LRP1B: variants seen among roughly 807,000 people sequenced by gnomAD.
The protein encoded by LRP1B is low-density lipoprotein receptor-related protein 1B.
LRP1B carries 217 observed loss-of-function variants against 556.6 expected under a neutral mutation model. The observed-to-expected ratio is 0.39, with a 90% CI of 0.35 to 0.44. The LOEUF (loss-of-function observed/expected upper bound fraction) is 0.44, where lower values mean the gene tolerates loss of function less well. Among genes scored for constraint, LRP1B ranks in the 20% least tolerant of loss-of-function variants. The pLI, the probability that LRP1B is intolerant of heterozygous loss-of-function variation, is 1.00. For synonymous variants in LRP1B, 2,047 were observed against 1,865.8 expected, an observed-to-expected ratio of 1.10 and a Z score of -2.50; for missense variants, 5,053 against 5,620.8, an observed-to-expected ratio of 0.90 and a Z score of 3.23.
intron 43 of LRP1B, among the ~76,000 whole-genome samples, chr2:140,545,264 TG>T (rs1680288261): frequency 1.3e-5 from 2 of 152,066 alleles, no homozygotes; most frequent in South Asian, 4.1e-4. Flanking sequence ...ATAGTTTCTA[TG>T]GCTGTGGAGA....
chr2:141,060,777 C>T (rs756194710), intron 8 of LRP1B, among the ~76,000 whole-genome samples: 7 of 151,750 alleles, frequency 4.6e-5, no homozygotes, highest in Middle Eastern at 3.4e-3. Flanking sequence ...TAATTACACC[C>T]TAGGCAGAGG....
intron 7 of LRP1B, among the ~76,000 whole-genome samples, chr2:141,118,476 T>C (rs1393450586): frequency 6.6e-6 from 1 of 151,982 alleles, no homozygotes; most frequent in Non-Finnish European, 1.5e-5. Context: ...CTGACTTTTT[T>C]GTAAACTAGT....
At chr2:141,146,733 C>T (rs184674793) in intron 7 of LRP1B, among the ~76,000 whole-genome samples, 15 of 152,284 alleles carry the variant, frequency 9.9e-5, no homozygotes, top group Admixed American at 2.6e-4. Flanking sequence ...ATGATATTAA[C>T]GCATAGAAGA....
intron 23 of LRP1B, among the ~76,000 whole-genome samples, chr2:140,897,105 A>G (rs1387868182): frequency 6.6e-6 from 1 of 152,224 alleles, no homozygotes; most frequent in Non-Finnish European, 1.5e-5. Context: ...CCACTTAAAA[A>G]TGTTTCATTG....
chr2:141,409,655 C>T (rs1376921914), intron 3 of LRP1B, among the ~76,000 whole-genome samples: 3 of 151,980 alleles, frequency 2.0e-5, no homozygotes, highest in African/African-American at 7.2e-5. Context: ...AATGTTCCTA[C>T]TGTTATGGAA....
intron 7 of LRP1B, among the ~76,000 whole-genome samples, chr2:141,093,415 G>A (rs77929077): frequency 0.062 from 9,367 of 152,142 alleles, 368 homozygotes; most frequent in South Asian, 0.12. Context: ...ATAGTATAGC[G>A]TAGAAGGAAT....
At chr2:141,148,460 G>A (rs1701839269) in intron 7 of LRP1B, among the ~76,000 whole-genome samples, 1 of 152,120 alleles carries the variant, frequency 6.6e-6, no homozygotes, top group Non-Finnish European at 1.5e-5. Context: ...CTTAGGAGAA[G>A]CCACGTGGAG....
chr2:141,930,590 A>G (rs1396858098), intron 1 of LRP1B, among the ~76,000 whole-genome samples: 1 of 152,070 alleles, frequency 6.6e-6, no homozygotes, highest in Non-Finnish European at 1.5e-5. Context: ...TCCAAAATGT[A>G]TACCAGTCAC....
rs368243047 is a variant in LRP1B, at chr2:140,371,124, T to C, written c.10875+55A>G. The C allele has an allele frequency of 5.5e-5, 65 of 1,178,264 alleles. No individual in the cohort carries two copies. In the African/African-American group the frequency reaches 7.7e-4, roughly 14 times the overall value. 73.0% of individuals were successfully genotyped at this position (1,178,264 alleles called of 1,614,324 possible). A position where few individuals can be genotyped will look rare whatever the true frequency, so the allele number is the denominator to read the frequency against. ...TTCTCTTTATTTTCATTACATTTGT[T>C]TGCCCAAACCTAATTCATGTAATTC... is the stretch of plus-strand genomic sequence containing the variant. On this transcript the variant is annotated intron_variant, in intron 70 of 90. Transcript: ENST00000389484.
chr2:140,887,074 C>T (rs1185271513), intron 23 of LRP1B, among the ~76,000 whole-genome samples: 1 of 152,132 alleles, frequency 6.6e-6, no homozygotes, highest in East Asian at 1.9e-4. Flanking sequence ...TACTGTGAGA[C>T]ATACTGATGT....
At chr2:140,445,374 C>A (rs537728004) in intron 63 of LRP1B, among the ~76,000 whole-genome samples, 39 of 152,100 alleles carry the variant, frequency 2.6e-4, no homozygotes, top group Non-Finnish European at 4.3e-4. Flanking sequence ...CCCTCGGGCA[C>A]CAAGTTTTGG....
intron 21 of LRP1B, among the ~76,000 whole-genome samples, chr2:140,912,937 G>T (rs1469480): frequency 0.97 from 147,044 of 151,778 alleles, 71,422 homozygotes; most frequent in East Asian, 1. Context: ...TTTTGTAAAC[G>T]GACTTGTTTT....
At chr2:141,162,267 A>G (rs547770954) in intron 7 of LRP1B, among the ~76,000 whole-genome samples, 1 of 152,266 alleles carries the variant, frequency 6.6e-6, no homozygotes, top group African/African-American at 2.4e-5. Context: ...GCAGGAATAA[A>G]GTTATAGCTA....
intron 3 of LRP1B, among the ~76,000 whole-genome samples, chr2:141,358,613 A>G (rs1230334193): frequency 6.6e-6 from 1 of 152,192 alleles, no homozygotes; most frequent in African/African-American, 2.4e-5. Context: ...CTGCCAAGTT[A>G]ATTTCTATGT....
chr2:140,521,556 T>C (rs1052187984), intron 49 of LRP1B, among the ~76,000 whole-genome samples: 4 of 151,780 alleles, frequency 2.6e-5, no homozygotes, highest in Non-Finnish European at 5.9e-5. Flanking sequence ...TGAATGGAAA[T>C]GAAAGAATGA....
chr2:140,873,300 T>C (rs986824146), intron 25 of LRP1B, among the ~76,000 whole-genome samples: 2 of 152,062 alleles, frequency 1.3e-5, no homozygotes, highest in Non-Finnish European at 2.9e-5. Flanking sequence ...AATAAGACAT[T>C]AATATTATTT....
At chr2:141,541,297 G>C (rs1440391821) in intron 2 of LRP1B, among the ~76,000 whole-genome samples, 1 of 151,994 alleles carries the variant, frequency 6.6e-6, no homozygotes, top group African/African-American at 2.4e-5. Context: ...ACAGACATGA[G>C]ATCAGATTTA....
chr2:140,319,762 G>A (rs1331185467), intron 82 of LRP1B, among the ~76,000 whole-genome samples: 2 of 152,084 alleles, frequency 1.3e-5, no homozygotes, highest in Non-Finnish European at 2.9e-5. Flanking sequence ...AACAATATTT[G>A]GAAATGTTCA....
At chr2:141,061,573 C>A (rs1699336591) in intron 8 of LRP1B, among the ~76,000 whole-genome samples, 1 of 151,670 alleles carries the variant, frequency 6.6e-6, no homozygotes, top group Non-Finnish European at 1.5e-5. Context: ...TTAGGAAGTA[C>A]TTGAATACAT....
Sources: gnomAD v4.1 joint callset for allele counts (sites outside exome capture counted in the v4.1 genomes callset) on GRCh38, gnomAD v4.1.1 for gene constraint, MANE v1.5 for transcripts, NCBI Gene and HGNC (gene_info 2026-07-23, HGNC 2026-07-21) for gene names.